PDE4D: variants seen among roughly 807,000 people sequenced by gnomAD.
PDE4D encodes the protein 3',5'-cyclic-AMP phosphodiesterase 4D.
In PDE4D, 24 loss-of-function variants were observed where a neutral mutation model predicts 87.4. The observed-to-expected ratio is 0.27, with a 90% CI of 0.20 to 0.39. The LOEUF is 0.39. PDE4D is among the 10% of genes least tolerant of loss of function. The probability of loss-of-function intolerance (pLI) is 1.00; values close to 1 mark genes in which losing one functional copy is unlikely to be tolerated. For missense variants in PDE4D, 714 were observed against 1,041.0 expected (o/e 0.69, Z 4.32); for synonymous variants, 384 against 383.2 (o/e 1.00, Z -0.02).
intron 1 of PDE4D, among the ~76,000 whole-genome samples, chr5:59,336,284 AG>A (rs1342665140): frequency 2.6e-5 from 4 of 152,258 alleles, no homozygotes; most frequent in Admixed American, 2.6e-4. Context: ...AAGACAGCCA[AG>A]GAAAGTGATC....
intron 1 of PDE4D, among the ~76,000 whole-genome samples, chr5:60,323,695 C>A (rs1756514266): frequency 6.6e-6 from 1 of 151,852 alleles, no homozygotes; most frequent in African/African-American, 2.4e-5. Context: ...TTACTACCAC[C>A]CCAAAGCCTT....
chr5:59,412,753 A>G (rs558685820), intron 1 of PDE4D, among the ~76,000 whole-genome samples: 1 of 152,364 alleles, frequency 6.6e-6, no homozygotes, highest in East Asian at 1.9e-4. Context: ...TTTACTGGTA[A>G]GTTATTCTGG....
intron 3 of PDE4D, among the ~76,000 whole-genome samples, chr5:59,929,165 G>T (rs1415642202): frequency 3.3e-5 from 5 of 152,000 alleles, no homozygotes; most frequent in Admixed American, 3.3e-4. Flanking sequence ...CACAGGTGAA[G>T]ATGAATTTCC....
intron 1 of PDE4D, among the ~76,000 whole-genome samples, chr5:59,440,857 T>C (rs569611168): frequency 1.3e-5 from 2 of 152,294 alleles, no homozygotes; most frequent in South Asian, 2.1e-4. Flanking sequence ...CTTCCCCTAA[T>C]GCATGAACAG....
intron 1 of PDE4D, among the ~76,000 whole-genome samples, chr5:59,826,935 T>C (rs1339205567): frequency 6.6e-6 from 1 of 152,066 alleles, no homozygotes; most frequent in Non-Finnish European, 1.5e-5. Context: ...GAATCGTCTA[T>C]AGGAATGTTA....
At chr5:59,189,253 G>GTTTTTTTTTT (rs5868167) in intron 3 of PDE4D, among the ~76,000 whole-genome samples, 105 of 120,782 alleles carry the variant, frequency 8.7e-4, no homozygotes, top group African/African-American at 1.1e-3. Flanking sequence ...TGTTTTTTTT[G>GTTTTTTTTTT]TTTTTTTTTT....
intron 1 of PDE4D, among the ~76,000 whole-genome samples, chr5:59,485,808 C>A (rs974221447): frequency 1.3e-5 from 2 of 152,064 alleles, no homozygotes; most frequent in Non-Finnish European, 2.9e-5. Context: ...AGAGAGAATG[C>A]AGGATTGCCA....
intron 1 of PDE4D, among the ~76,000 whole-genome samples, chr5:59,376,495 A>T (rs1038280396): frequency 6.6e-6 from 1 of 152,148 alleles, no homozygotes; most frequent in African/African-American, 2.4e-5. Context: ...AAAAATCTCT[A>T]CAAGGAGAAC....
At chr5:59,183,971 T>C (rs1220818778) in intron 4 of PDE4D, among the ~76,000 whole-genome samples, 1 of 151,998 alleles carries the variant, frequency 6.6e-6, no homozygotes, top group Non-Finnish European at 1.5e-5. Flanking sequence ...CGTGCTAACA[T>C]AGGAATCAAG....
intron 5 of PDE4D, among the ~76,000 whole-genome samples, chr5:59,134,187 A>T (rs1776699007): frequency 6.8e-6 from 1 of 147,856 alleles, no homozygotes; most frequent in Non-Finnish European, 1.5e-5. Context: ...AAAAACTGTG[A>T]GATTTAGAAA....
At chr5:59,673,652 C>A (rs1345412615) in intron 1 of PDE4D, among the ~76,000 whole-genome samples, 1 of 152,118 alleles carries the variant, frequency 6.6e-6, no homozygotes, top group Non-Finnish European at 1.5e-5. Context: ...AGTGATCATA[C>A]AGAAAATTAC....
intron 1 of PDE4D, among the ~76,000 whole-genome samples, chr5:59,834,344 A>G (rs796203471): frequency 6.6e-6 from 1 of 152,064 alleles, no homozygotes; most frequent in Non-Finnish European, 1.5e-5. Context: ...GCTTTGCTAC[A>G]TACTATTAGA....
At chr5:59,393,751 C>T (rs938071153) in intron 1 of PDE4D, among the ~76,000 whole-genome samples, 2 of 152,166 alleles carry the variant, frequency 1.3e-5, no homozygotes, top group Admixed American at 6.5e-5. Flanking sequence ...GGTTCAGACA[C>T]CATGCAAAAC....
At chr5:59,599,367 A>T (rs566689271) in intron 1 of PDE4D, among the ~76,000 whole-genome samples, 1 of 151,262 alleles carries the variant, frequency 6.6e-6, no homozygotes, top group South Asian at 2.1e-4. Context: ...GATTACAGGC[A>T]CCACCACCAC....
chr5:60,189,672 A>G (rs1259658514), intron 1 of PDE4D, among the ~76,000 whole-genome samples: 1 of 152,250 alleles, frequency 6.6e-6, no homozygotes, highest in African/African-American at 2.4e-5. Flanking sequence ...ATATGTAAGA[A>G]GAATTCTTTA....
intron 1 of PDE4D, among the ~76,000 whole-genome samples, chr5:59,840,709 C>G (rs1327362779): frequency 6.6e-6 from 1 of 151,978 alleles, no homozygotes; most frequent in African/African-American, 2.4e-5. Flanking sequence ...GGAATCTGGG[C>G]ACGTACTGTT....
At chr5:59,176,709 T>C (rs367709064) in intron 5 of PDE4D, among the ~76,000 whole-genome samples, 30 of 152,350 alleles carry the variant, frequency 2.0e-4, no homozygotes, top group African/African-American at 6.3e-4. Context: ...TTAACTCTTC[T>C]TTTTTAAAAA....
At chr5:60,448,510 G>C (rs1289191139) in intron 1 of PDE4D, 1 of 152,130 alleles carries the variant, frequency 6.6e-6, no homozygotes, top group East Asian at 1.9e-4. Flanking sequence ...ACTGTGTTCA[G>C]TGTTCTTCTT....
chr5:59,385,236 G>T (rs895103761), intron 1 of PDE4D, among the ~76,000 whole-genome samples: 1 of 152,130 alleles, frequency 6.6e-6, no homozygotes, highest in African/African-American at 2.4e-5. Context: ...TGGATCTCAT[G>T]ATTTCCTTTT....
Sources: gnomAD v4.1 joint callset for allele counts (sites outside exome capture counted in the v4.1 genomes callset) on GRCh38, gnomAD v4.1.1 for gene constraint, MANE v1.5 for transcripts, NCBI Gene and HGNC (gene_info 2026-07-23, HGNC 2026-07-21) for gene names.